Variants in NUP210 observed in about 807,000 individuals in gnomAD.
The protein encoded by NUP210 is nucleoporin 210, also known as nuclear pore membrane glycoprotein 210.
In NUP210, 151 loss-of-function variants were observed where a neutral mutation model predicts 196.0. The ratio of observed to expected loss-of-function variants is 0.77; its 90% confidence interval spans 0.67 to 0.88. NUP210 has a LOEUF of 0.88. NUP210 is among the 40% of genes least tolerant of loss of function. The pLI is 0.00. For synonymous variants in NUP210, 1,070 were observed against 1,052.7 expected, an observed-to-expected ratio of 1.02 and a Z score of -0.32; for missense variants, 2,314 against 2,493.7, an observed-to-expected ratio of 0.93 and a Z score of 1.53.
chr3:13,375,791 G>T (rs1442631091), intron 10 of NUP210, 150 bp from the exon 11 acceptor site: 2 of 787,244 alleles, frequency 2.5e-6, no homozygotes, highest in Non-Finnish European at 4.0e-6. Flanking sequence ...ACACCCTGCT[G>T]CCCTCTCTTT....
chr3:13,396,624 G>A, intron 3 of NUP210, among the ~76,000 whole-genome samples: 1 of 151,436 alleles, frequency 6.6e-6, no homozygotes, highest in Non-Finnish European at 1.5e-5. Context: ...GCTGGGCTTG[G>A]TGGCAGGCAC....
At chr3:13,345,030 C>T in intron 20 of NUP210, 1 of 985,432 alleles carries the variant, frequency 1.0e-6, no homozygotes, top group Non-Finnish European at 1.2e-6. Context: ...CCTTCCCCTC[C>T]AGGCTGTCCC....
chr3:13,374,010 A>ATGAG, intron 11 of NUP210, 137 bp from the exon 12 acceptor site: 5 of 990,908 alleles, frequency 5.0e-6, no homozygotes, highest in South Asian at 1.6e-5. Context: ...GGGTTCACCC[A>ATGAG]TGCACACACT....
chr3:13,335,318 A>T (rs1697166376), intron 28 of NUP210, 136 bp downstream of exon 28: 8 of 1,027,440 alleles, frequency 7.8e-6, no homozygotes, highest in Non-Finnish European at 1.2e-5. Flanking sequence ...ACTGCGATGG[A>T]CCACTGTCAT....
intron 13 of NUP210, 43 bp downstream of exon 13, chr3:13,371,791 C>T (rs1352796738): frequency 6.5e-7 from 1 of 1,542,326 alleles, no homozygotes; most frequent in South Asian, 1.2e-5. Flanking sequence ...ACAATCTGGC[C>T]CCAATCCCAG....
intron 6 of NUP210, among the ~76,000 whole-genome samples, chr3:13,383,918 T>C (rs1194270978): frequency 6.6e-6 from 1 of 152,110 alleles, no homozygotes; most frequent in Non-Finnish European, 1.5e-5. Flanking sequence ...ATGAGTCCCA[T>C]GCAAATGGAC....
chr3:13,337,117 C>T, intron 26 of NUP210, 199 bp from the exon 27 acceptor site: 2 of 527,202 alleles, frequency 3.8e-6, no homozygotes, highest in Non-Finnish European at 3.4e-6. Context: ...CCATACTGTC[C>T]CTCCCCTGCA....
At chr3:13,386,881 G>A (rs1383096418) in intron 5 of NUP210, among the ~76,000 whole-genome samples, 1 of 152,086 alleles carries the variant, frequency 6.6e-6, no homozygotes, top group Non-Finnish European at 1.5e-5. Flanking sequence ...TTTCACCCCC[G>A]ACCTGTGACC....
At chr3:13,395,526 C>T (rs1302963938) in intron 3 of NUP210, among the ~76,000 whole-genome samples, 1 of 152,194 alleles carries the variant, frequency 6.6e-6, no homozygotes, top group Non-Finnish European at 1.5e-5. Flanking sequence ...CCATGTTGGC[C>T]AAGCTGGTCT....
chr3:13,340,265 C>A lies in NUP210; in HGVS notation c.3262G>T (p.Val1088Leu). ...ATCGTGGCCCCGATAAGCAGTGTCA[C>A]CTTCCTGGGCATCAGCCTGAACGGG... is the stretch of plus-strand genomic sequence containing the variant. ...FPPFRLMPRKVTLLIGATMQV... is the reference protein window; with the variant it reads ...FPPFRLMPRKLTLLIGATMQV... Residue 1088 changes from valine (V) to leucine (L), a missense_variant, in exon 24 of 40, where the codon GTG becomes TTG. Coordinates refer to ENST00000254508, the MANE Select transcript of NUP210 (RefSeq NM_024923.4). This position sits in a 1 kb window ranked among gnomAD's most constrained non-coding sequence, Gnocchi z 4.0. 6.2e-7 allele frequency: 1 copy of A among 1,613,474 alleles called. No homozygotes were observed. The highest frequency in any genetic ancestry group is 8.5e-7 in the Non-Finnish European group (1 of 1,180,032).
chr3:13,353,423 G>A, intron 18 of NUP210, 131 bp downstream of exon 18: 1 of 730,474 alleles, frequency 1.4e-6, no homozygotes, highest in South Asian at 1.6e-5. Flanking sequence ...GCCTCCAAGA[G>A]GCTGGGGTGG....
Position 13,342,061 on chromosome 3 carries a change from G to C in NUP210, c.3027C>G (p.Phe1009Leu), listed in dbSNP as rs138467259. The C allele has an allele frequency of 1.2e-6, 2 of 1,614,206 alleles. No homozygotes were observed. Among genetic ancestry groups the C allele is most frequent in the South Asian group, 1.1e-5 (1 of 91,088 alleles). The change falls in exon 22 of 40, where the codon TTC becomes TTG. Residue 1009 changes from phenylalanine to leucine, a missense_variant. By Grantham distance (22) the Phe-to-Leu change is conservative. Transcript: ENST00000254508. ...CCATAAAGGGGAAGTATTTGGCAAG[G>C]AAGGGCTTCTTGTGCAAGTCCAGCA... ...VRVLDLHKKPFLAKYFPFMDL... is the reference protein window; with the variant it reads ...VRVLDLHKKPLLAKYFPFMDL...
chr3:13,319,464 G>A, intron 37 of NUP210, 139 bp from the exon 38 acceptor site: 1 of 761,626 alleles, frequency 1.3e-6, no homozygotes, highest in East Asian at 2.7e-5. Flanking sequence ...AGAGGGCCAG[G>A]CCACCTGCTG....
rs747723763 is a variant in NUP210 at position 13,325,804 on chromosome 3, G to A, written c.4635C>T (p.Thr1545=). The A allele has an allele frequency of 5.0e-6, 8 of 1,613,818 alleles. No individual in the cohort carries two copies. The highest frequency in any genetic ancestry group is 6.8e-6 in the Non-Finnish European group (8 of 1,180,010). Residue 1545 remains threonine (T), a synonymous_variant, in exon 33 of 40, where the codon ACC becomes ACT. Transcript: ENST00000254508. ...GCTGCTTAGAGCCCACCTCCTTGTA[G>A]GTCCTCAGGTGCCCAGCGACCTCAT... ...VYYEVAGHLR[T]YKEVVVSVPQ...
chr3:13,337,824 G>A lies in NUP210; in HGVS notation c.3552+13C>T, dbSNP rs764870751. 1.2e-6 allele frequency: 2 copies of A among 1,605,224 alleles called. No individual in the cohort carries two copies. The highest frequency in any genetic ancestry group is 1.7e-6 in the Non-Finnish European group (2 of 1,177,268). On this transcript the variant is annotated intron_variant, in intron 26 of 39. Coordinates refer to ENST00000254508, the MANE Select transcript of NUP210 (RefSeq NM_024923.4). ...TCGGGAACCAGGATTCAGAGCCCAG[G>A]AGGTCCCCTCACCTGGGTGCCCGTC...
intron 13 of NUP210, among the ~76,000 whole-genome samples, chr3:13,367,991 T>C (rs1698599052): frequency 1.3e-5 from 2 of 152,258 alleles, no homozygotes; most frequent in Non-Finnish European, 2.9e-5. Flanking sequence ...TTGGTTGCTG[T>C]TGTTAAATAT....
In NUP210 at chr3:13,323,343, A is replaced by G; in HGVS notation, c.4734T>C (p.Ile1578=). The change falls in exon 34 of 40, where the codon ATT becomes ATC. Residue 1578 remains isoleucine, a synonymous_variant. Transcript: ENST00000254508. This position sits in a 1 kb window ranked among gnomAD's most constrained non-coding sequence, Gnocchi z 4.3. ...TAGAGCTTCTGTCTCCCACGGCAAC[A>G]ATCACTTTGGAGGCTGTAGCCTCCT... ...SFQEATASKV[I]VAVGDRSSNL... is the part of the protein sequence containing the mutation. 1 of 1,614,108 alleles carries G rather than the reference A, an allele frequency of 6.2e-7. No homozygotes were observed. The highest frequency in any genetic ancestry group is 1.1e-5 in the South Asian group (1 of 91,076).
intron 11 of NUP210, among the ~76,000 whole-genome samples, chr3:13,374,833 G>T: frequency 6.6e-6 from 1 of 152,282 alleles, no homozygotes; most frequent in Non-Finnish European, 1.5e-5. Context: ...GCAGAGAGCC[G>T]GTGCCAGTGC....
chr3:13,394,774 A>G (rs1340309532), intron 3 of NUP210, among the ~76,000 whole-genome samples: 3 of 152,212 alleles, frequency 2.0e-5, no homozygotes, highest in Non-Finnish European at 2.9e-5. Context: ...CTTGACATTC[A>G]TCAATACAGA....
Sources: allele counts gnomAD v4.1 joint callset (sites outside exome capture counted in the v4.1 genomes callset), GRCh38; gene constraint gnomAD v4.1.1; non-coding constraint Gnocchi (gnomAD v3.1); transcripts MANE v1.5; gene names NCBI Gene and HGNC (gene_info 2026-07-23, HGNC 2026-07-21).